The following RNGTT variants were observed in gnomAD, a reference collection of about 807,000 sequenced individuals.
The protein encoded by RNGTT is RNA guanylyltransferase and 5'-phosphatase.
In RNGTT, 33 loss-of-function variants were observed where a neutral mutation model predicts 79.3. The ratio of observed to expected loss-of-function variants is 0.42; its 90% CI spans 0.32 to 0.56. The LOEUF (loss-of-function observed/expected upper bound fraction) is 0.56, where lower values mean the gene tolerates loss of function less well. Among genes scored for constraint, RNGTT ranks in the 20% least tolerant of loss-of-function variants. The pLI is 0.17. For missense variants in RNGTT, 497 were observed against 739.1 expected (o/e 0.67, Z 3.80); for synonymous variants, 222 against 235.9 (o/e 0.94, Z 0.54).
At chr6:88,633,787 T>G (rs1052332636) in intron 14 of RNGTT, among the ~76,000 whole-genome samples, 1 of 152,106 alleles carries the variant, frequency 6.6e-6, no homozygotes, top group Non-Finnish European at 1.5e-5. Flanking sequence ...CAACTGCACG[T>G]TTTTGTTTTT....
intron 14 of RNGTT, among the ~76,000 whole-genome samples, chr6:88,616,341 G>A (rs115226942): frequency 7.8e-4 from 118 of 152,168 alleles, no homozygotes; most frequent in African/African-American, 2.6e-3. Flanking sequence ...TTTGAGATCC[G>A]GTTTTAAATT....
intron 11 of RNGTT, among the ~76,000 whole-genome samples, chr6:88,843,194 T>C (rs1486732239): frequency 1.3e-5 from 2 of 151,300 alleles, no homozygotes; most frequent in African/African-American, 4.9e-5. Context: ...ATGAGCTCTC[T>C]CATCTGCTGG....
At chr6:88,799,700 C>CAAAAAAAAAAAA (rs36033019) in intron 12 of RNGTT, among the ~76,000 whole-genome samples, 1 of 46,256 alleles carries the variant, frequency 2.2e-5, no homozygotes. Context: ...AACTCCATCT[C>CAAAAAAAAAAAA]AAAAAAAAAA....
chr6:88,698,460 C>T (rs890565066), intron 13 of RNGTT, among the ~76,000 whole-genome samples: 6 of 150,706 alleles, frequency 4.0e-5, no homozygotes, highest in Non-Finnish European at 8.9e-5. Flanking sequence ...GTTTAACAGA[C>T]AGTACTTACC....
At chr6:88,870,079 T>C (rs1373426551) in intron 8 of RNGTT, among the ~76,000 whole-genome samples, 2 of 152,114 alleles carry the variant, frequency 1.3e-5, no homozygotes, top group Admixed American at 6.5e-5. Flanking sequence ...CCAGCAAAAA[T>C]AGCAGCAACA....
intron 14 of RNGTT, among the ~76,000 whole-genome samples, chr6:88,640,205 T>G (rs1031539633): frequency 6.6e-6 from 1 of 152,108 alleles, no homozygotes; most frequent in Non-Finnish European, 1.5e-5. Context: ...AATGTCAGTT[T>G]AATGAGTGAA....
At chr6:88,683,670 A>G (rs1010364337) in intron 13 of RNGTT, among the ~76,000 whole-genome samples, 2 of 152,220 alleles carry the variant, frequency 1.3e-5, no homozygotes, top group African/African-American at 4.8e-5. Context: ...CATGTGAAAA[A>G]TAAGTTTCAT....
intron 12 of RNGTT, among the ~76,000 whole-genome samples, chr6:88,789,252 G>A (rs72925566): frequency 0.18 from 26,952 of 151,934 alleles, 3,287 homozygotes; most frequent in East Asian, 0.62. Flanking sequence ...AAACCCCATC[G>A]CTACTAAAAA....
chr6:88,896,221 A>C (rs1783241965), intron 6 of RNGTT, among the ~76,000 whole-genome samples: 1 of 152,156 alleles, frequency 6.6e-6, no homozygotes, highest in Non-Finnish European at 1.5e-5. Flanking sequence ...CTGGCATAAC[A>C]ACTCTCTTTA....
chr6:88,710,069 T>G (rs1393808477), intron 13 of RNGTT, among the ~76,000 whole-genome samples: 1 of 152,248 alleles, frequency 6.6e-6, no homozygotes. Context: ...TATTGATTTG[T>G]TAAGCAAGTT....
chr6:88,624,661 A>C (rs1772562026), intron 14 of RNGTT, among the ~76,000 whole-genome samples: 1 of 152,050 alleles, frequency 6.6e-6, no homozygotes, highest in Non-Finnish European at 1.5e-5. Flanking sequence ...TTTGTGACCT[A>C]GGGTTAGGCA....
chr6:88,734,165 T>C (rs983951848), intron 13 of RNGTT, among the ~76,000 whole-genome samples: 2 of 152,076 alleles, frequency 1.3e-5, no homozygotes, highest in African/African-American at 2.4e-5. Flanking sequence ...ATGACAATAA[T>C]GTTATAAGGG....
At chr6:88,862,077 T>C (rs1259381069) in intron 8 of RNGTT, among the ~76,000 whole-genome samples, 1 of 152,192 alleles carries the variant, frequency 6.6e-6, no homozygotes, top group Admixed American at 6.5e-5. Context: ...ATCTGTGATA[T>C]TGTGAAATAT....
chr6:88,624,491 T>A (rs75492628), intron 14 of RNGTT, among the ~76,000 whole-genome samples: 50 of 152,012 alleles, frequency 3.3e-4, no homozygotes, highest in African/African-American at 1.1e-3. Flanking sequence ...AATGATAGTC[T>A]TTTCAATAAA....
intron 9 of RNGTT, among the ~76,000 whole-genome samples, chr6:88,852,123 C>G (rs535632451): frequency 4.6e-5 from 7 of 152,140 alleles, no homozygotes; most frequent in Non-Finnish European, 7.4e-5. Flanking sequence ...TACCTCAGGA[C>G]TTAAATACCT....
chr6:88,635,903 C>T (rs983771639), intron 14 of RNGTT, among the ~76,000 whole-genome samples: 1 of 152,028 alleles, frequency 6.6e-6, no homozygotes, highest in Non-Finnish European at 1.5e-5. Context: ...CATGAGATCA[C>T]AGATAGTGTT....
At position 88,841,455 on chromosome 6, in the gene RNGTT, T is replaced by C. The variant is rs1328834413; in HGVS notation, c.1269+2902A>G. ...AGAGTTTAAAACATGATTGCATATGTTGCTATATTTTTGTACAATTCTATC... is the reference window on the plus strand; with the variant it reads ...AGAGTTTAAAACATGATTGCATATGCTGCTATATTTTTGTACAATTCTATC... On this transcript the variant is annotated intron_variant, in intron 11 of 15. Transcript: ENST00000369485. 2.0e-5 allele frequency among the ~76,000 whole-genome samples: 3 copies of C among 151,862 alleles called. No homozygotes were observed. The East Asian group carries it at 5.8e-4, about 29-fold the overall frequency.
chr6:88,644,915 T>C (rs1173746831), intron 14 of RNGTT, among the ~76,000 whole-genome samples: 5 of 152,288 alleles, frequency 3.3e-5, no homozygotes, highest in Admixed American at 1.3e-4. Flanking sequence ...GGGCAAAAAC[T>C]GGAAGCATTC....
chr6:88,937,704 CT>C (rs1418048434), intron 2 of RNGTT, among the ~76,000 whole-genome samples: 1 of 152,154 alleles, frequency 6.6e-6, no homozygotes, highest in Non-Finnish European at 1.5e-5. Flanking sequence ...CTTCTTAGCA[CT>C]GCTTTGCTGT....
Sources: gnomAD v4.1 joint callset for allele counts (sites outside exome capture counted in the v4.1 genomes callset) on GRCh38, gnomAD v4.1.1 for gene constraint, MANE v1.5 for transcripts, NCBI Gene and HGNC (gene_info 2026-07-23, HGNC 2026-07-21) for gene names.